The following R3HDM1 variants were observed in gnomAD, a reference collection of about 807,000 sequenced individuals.
R3HDM1 encodes the protein R3H domain-containing protein 1.
R3HDM1 carries 46 observed loss-of-function variants against 141.1 expected under a neutral mutation model. That is an observed-to-expected ratio of 0.33 (90% CI 0.26 to 0.42). The LOEUF is 0.42. Among genes scored for constraint, R3HDM1 ranks in the 10% least tolerant of loss-of-function variants. The pLI is 1.00. For missense variants in R3HDM1, 1,184 were observed against 1,368.3 expected, an observed-to-expected ratio of 0.87 and a Z score of 2.12; for synonymous variants, 435 against 472.9, an observed-to-expected ratio of 0.92 and a Z score of 1.04.
In R3HDM1 at chr2:135,661,335, T is replaced by C. The variant is rs1383291832; in HGVS notation, c.2094T>C (p.Pro698=). The C allele has an allele frequency of 6.2e-7, 1 of 1,613,898 alleles. No individual in the cohort carries two copies. Among genetic ancestry groups the C allele is most frequent in the Admixed American group, 1.7e-5 (1 of 60,016 alleles). The change falls in exon 19 of 27, where the codon CCT becomes CCC. Residue 698 remains proline (P), a synonymous_variant. Coordinates refer to ENST00000683871, the MANE Select transcript of R3HDM1 (RefSeq NM_001378107.1). ...GCCAACCTCAGTATCGCCCAGTCCCTTCTGTTCATTACAATTCACATCTAA... is the reference window on the plus strand; with the variant it reads ...GCCAACCTCAGTATCGCCCAGTCCCCTCTGTTCATTACAATTCACATCTAA... ...HSSQPQYRPV[P]SVHYNSHLNQ...
chr2:135,690,320 T>G (rs1404507235), intron 21 of R3HDM1, among the ~76,000 whole-genome samples: 1 of 152,174 alleles, frequency 6.6e-6, no homozygotes, highest in Non-Finnish European at 1.5e-5. Context: ...TGGTAAAGTT[T>G]TACTTCTCTC....
chr2:135,621,745 A>C (rs989570466), intron 6 of R3HDM1, 137 bp downstream of exon 6: 1 of 1,280,126 alleles, frequency 7.8e-7, no homozygotes, highest in African/African-American at 1.5e-5. Context: ...TACAGTACTT[A>C]ACTCATCTGG....
At chr2:135,655,795 A>C (rs766335307) in intron 18 of R3HDM1, among the ~76,000 whole-genome samples, 1 of 151,788 alleles carries the variant, frequency 6.6e-6, no homozygotes, top group Non-Finnish European at 1.5e-5. Context: ...CACCTGGCCT[A>C]CTCTGTTCTT....
At chr2:135,699,774 C>G (rs1158048479) in intron 21 of R3HDM1, among the ~76,000 whole-genome samples, 2 of 152,126 alleles carry the variant, frequency 1.3e-5, no homozygotes, top group East Asian at 1.9e-4. Context: ...TATCACTTCT[C>G]TATGTTCTAA....
At chr2:135,551,089 C>T (rs986311134) in intron 1 of R3HDM1, among the ~76,000 whole-genome samples, 3 of 152,166 alleles carry the variant, frequency 2.0e-5, no homozygotes, top group Non-Finnish European at 4.4e-5. Context: ...TATATATAGA[C>T]AGGTGGCTGA....
intron 16 of R3HDM1, among the ~76,000 whole-genome samples, chr2:135,646,970 G>C (rs879286793): frequency 6.6e-6 from 1 of 151,606 alleles, no homozygotes. Flanking sequence ...TTGTATTGCA[G>C]GGTTGAAGAA....
chr2:135,695,673 G>A (rs1435839297), intron 21 of R3HDM1, among the ~76,000 whole-genome samples: 5 of 152,188 alleles, frequency 3.3e-5, no homozygotes, highest in Non-Finnish European at 7.3e-5. Flanking sequence ...CGACTTAGAA[G>A]CAATACAAGC....
chr2:135,550,891 ATAC>A (rs1199473505), intron 1 of R3HDM1, among the ~76,000 whole-genome samples: 9 of 152,234 alleles, frequency 5.9e-5, no homozygotes, highest in African/African-American at 1.9e-4. Context: ...CTTGTCAGGC[ATAC>A]TACAATTATA....
intron 7 of R3HDM1, among the ~76,000 whole-genome samples, chr2:135,627,631 T>C (rs970203724): frequency 7.9e-5 from 12 of 152,174 alleles, no homozygotes; most frequent in Non-Finnish European, 1.5e-4. Context: ...AGATAACTTA[T>C]ATTATGTAAT....
chr2:135,702,217 G>GAAAA (rs35183953), intron 21 of R3HDM1, among the ~76,000 whole-genome samples: 113 of 120,806 alleles, frequency 9.4e-4, no homozygotes, highest in African/African-American at 3.9e-3. Context: ...GTCTCAGGGG[G>GAAAA]AAAAAAAAAA....
In R3HDM1 at chr2:135,541,868, A is replaced by AAG. The variant is rs1553518081; in HGVS notation, c.-250+10236_-250+10237insGA. ...CAATTTGTTAAAAAAAAAAAAAAAA[A>AAG]AAAGAAAGAAAGAAAGAGAAAAGCA... is the stretch of plus-strand genomic sequence containing the variant. On this transcript the variant is annotated intron_variant, in intron 1 of 26. Transcript: ENST00000683871. Among the ~76,000 whole-genome samples, 618 of 143,888 alleles carry AAG rather than the reference A, an allele frequency of 4.3e-3. 4 individuals are homozygous for AAG. Among genetic ancestry groups the AAG allele is most frequent in the Admixed American group, 8.1e-3 (116 of 14,258 alleles). 94.4% of individuals were successfully genotyped at this position (143,888 alleles called of 152,430 possible). A position where few individuals can be genotyped will look rare whatever the true frequency, so the allele number is the denominator to read the frequency against.
intron 1 of R3HDM1, among the ~76,000 whole-genome samples, chr2:135,599,509 A>G (rs1487490444): frequency 6.6e-6 from 1 of 152,244 alleles, no homozygotes; most frequent in Admixed American, 6.5e-5. Flanking sequence ...ATATTAAGAC[A>G]GTACATTTAA....
chr2:135,638,495 A>C (rs2063479131), intron 11 of R3HDM1, 123 bp from the exon 12 acceptor site: 1 of 963,072 alleles, frequency 1.0e-6, no homozygotes, highest in Non-Finnish European at 1.5e-6. Context: ...TTATTTGTGT[A>C]CCCTTATCAC....
chr2:135,715,901 T>C (rs543485789), intron 24 of R3HDM1, among the ~76,000 whole-genome samples: 1 of 152,360 alleles, frequency 6.6e-6, no homozygotes, highest in African/African-American at 2.4e-5. Flanking sequence ...AGTAATTACT[T>C]CTGTTTAGTA....
chr2:135,671,484 C>T (rs889572278), intron 19 of R3HDM1, among the ~76,000 whole-genome samples: 1 of 151,954 alleles, frequency 6.6e-6, no homozygotes, highest in African/African-American at 2.4e-5. Flanking sequence ...ATTCTCCTGC[C>T]TCAGCCTCCC....
At chr2:135,534,301 G>A (rs917196715) in intron 1 of R3HDM1, among the ~76,000 whole-genome samples, 2 of 152,130 alleles carry the variant, frequency 1.3e-5, no homozygotes, top group Non-Finnish European at 2.9e-5. Context: ...CATATTCATT[G>A]TGCTACCAGA....
In R3HDM1 at chr2:135,642,460, C is replaced by T. The variant is rs183773352; in HGVS notation, c.1474+670C>T. On this transcript the variant is annotated intron_variant, in intron 15 of 26. Coordinates refer to ENST00000683871, the MANE Select transcript of R3HDM1 (RefSeq NM_001378107.1). ...AAATCCTCATTTACAGATAAAGAAA[C>T]TGAACCTCAGAGAGGTGAAGAAACT... 1.9e-3 allele frequency among the ~76,000 whole-genome samples: 287 copies of T among 152,224 alleles called. 2 individuals are homozygous for T. The highest frequency in any genetic ancestry group is 6.7e-3 in the African/African-American group (277 of 41,528).
At chr2:135,616,102 A>G (rs2060996668) in intron 3 of R3HDM1, 50 bp from the exon 4 acceptor site, 1 of 1,562,534 alleles carries the variant, frequency 6.4e-7, no homozygotes, top group African/African-American at 1.4e-5. Context: ...TAAGAAGCAA[A>G]TTTTCTGTTT....
rs201199217 is a variant in R3HDM1, at chr2:135,689,914, C to CTTTCAT, written c.2459+9596_2459+9601dup. Among the ~76,000 whole-genome samples, 612 of 152,222 alleles carry CTTTCAT rather than the reference C, an allele frequency of 4.0e-3. 4 individuals carry two copies. The highest frequency in any genetic ancestry group is 0.014 in the African/African-American group (584 of 41,550). On this transcript the variant is annotated intron_variant, in intron 21 of 26. Transcript: ENST00000683871. ...TTTACCGGTTCTTCTCCTATTTTCC[C>CTTTCAT]TTTCATTTTCACTATTTTTATCTTG...
Sources: gnomAD v4.1 joint callset for allele counts (sites outside exome capture counted in the v4.1 genomes callset) on GRCh38, gnomAD v4.1.1 for gene constraint, MANE v1.5 for transcripts, NCBI Gene and HGNC (gene_info 2026-07-23, HGNC 2026-07-21) for gene names.